The following TTC6 variants were observed in gnomAD, a reference collection of about 807,000 sequenced individuals.
TTC6 encodes tetratricopeptide repeat domain 6.
A neutral mutation model predicts 210.4 loss-of-function variants in TTC6; 172 were observed. The observed-to-expected ratio is 0.82, with a 90% CI of 0.72 to 0.93. TTC6 has a LOEUF of 0.93. TTC6 is among the 40% of genes least tolerant of loss of function. The pLI, the probability that TTC6 is intolerant of heterozygous loss-of-function variation, is 0.00. For synonymous variants in TTC6, 804 were observed against 819.6 expected, an observed-to-expected ratio of 0.98 and a Z score of 0.32; for missense variants, 2,414 against 2,318.1, an observed-to-expected ratio of 1.04 and a Z score of -0.85.
intron 7 of TTC6, among the ~76,000 whole-genome samples, chr14:37,725,514 C>T (rs1869628053): frequency 6.6e-6 from 1 of 150,998 alleles, no homozygotes; most frequent in South Asian, 2.1e-4. Context: ...CCACACCTGG[C>T]TAATTTTGTA....
In TTC6 at chr14:37,728,191, A is replaced by T. The variant is rs189716378; in HGVS notation, c.1818+3189A>T. 2.7e-3 allele frequency among the ~76,000 whole-genome samples: 407 copies of T among 152,180 alleles called. 1 individual carries two copies. The highest frequency in any genetic ancestry group is 9.5e-3 in the African/African-American group (396 of 41,512). On this transcript the variant is annotated intron_variant, in intron 7 of 30. Coordinates refer to ENST00000553443, the Ensembl canonical transcript of TTC6. Reference sequence around the variant, plus strand: ...TAATAATAGACTTTATTATACTGTAATATTGTTACATTTTATGTGGCATAT... The same window carrying T: ...TAATAATAGACTTTATTATACTGTATTATTGTTACATTTTATGTGGCATAT...
intron 1 of TTC6, among the ~76,000 whole-genome samples, chr14:37,596,355 A>G (rs1472567484): frequency 6.6e-6 from 1 of 152,286 alleles, no homozygotes; most frequent in Non-Finnish European, 1.5e-5. Flanking sequence ...GATGCCAGGC[A>G]GAAGCCCGAG....
At chr14:37,629,818 G>T (rs990641151) in intron 1 of TTC6, among the ~76,000 whole-genome samples, 7 of 152,142 alleles carry the variant, frequency 4.6e-5, no homozygotes, top group African/African-American at 1.7e-4. Flanking sequence ...TAGCATGAAG[G>T]ACTGTTGAAT....
chr14:37,733,795 A>G (rs891989193), intron 7 of TTC6, among the ~76,000 whole-genome samples: 17 of 151,300 alleles, frequency 1.1e-4, no homozygotes, highest in Admixed American at 5.9e-4. Context: ...TCTCTATTTC[A>G]TTTTCTGGGA....
intron 7 of TTC6, among the ~76,000 whole-genome samples, chr14:37,734,002 T>G (rs2095894816): frequency 6.6e-6 from 1 of 152,184 alleles, no homozygotes; most frequent in South Asian, 2.1e-4. Flanking sequence ...TTATGGTGTT[T>G]TGTTTCTTTG....
At chr14:37,749,928 C>G in intron 12 of TTC6, 85 bp downstream of exon 14, 1 of 945,758 alleles carries the variant, frequency 1.1e-6, no homozygotes, top group Non-Finnish European at 1.4e-6. Context: ...ATACATAAAT[C>G]AGTAGATATA....
chr14:37,650,257 C>T (rs2095708850), intron 1 of TTC6, among the ~76,000 whole-genome samples: 2 of 152,142 alleles, frequency 1.3e-5, no homozygotes, highest in African/African-American at 4.8e-5. Flanking sequence ...TAGTGATGCC[C>T]CAAGATCTCA....
intron 1 of TTC6, among the ~76,000 whole-genome samples, chr14:37,672,815 T>C: frequency 7.0e-6 from 1 of 143,508 alleles, no homozygotes; most frequent in East Asian, 2.0e-4. Context: ...TTTTCATGAA[T>C]TCCTCATTTT....
At chr14:37,821,905 C>T (rs1269320562) in intron 26 of TTC6, among the ~76,000 whole-genome samples, 1 of 151,252 alleles carries the variant, frequency 6.6e-6, no homozygotes, top group Admixed American at 6.6e-5. Context: ...CTTAGCCTCC[C>T]GAGTAGCTGG....
intron 26 of TTC6, among the ~76,000 whole-genome samples, chr14:37,823,242 C>T (rs922189727): frequency 6.6e-6 from 1 of 152,122 alleles, no homozygotes; most frequent in Non-Finnish European, 1.5e-5. Context: ...CTCCCCTCCT[C>T]TCCTGGTGTC....
intron 1 of TTC6, among the ~76,000 whole-genome samples, chr14:37,634,454 GA>G (rs1053812839): frequency 6.6e-6 from 1 of 151,746 alleles, no homozygotes; most frequent in Non-Finnish European, 1.5e-5. Context: ...TAGACTGAGG[GA>G]AAAAAAATGA....
chr14:37,614,461 G>A (rs1050279226), intron 2 of TTC6, among the ~76,000 whole-genome samples: 40 of 152,006 alleles, frequency 2.6e-4, no homozygotes, highest in African/African-American at 8.2e-4. Context: ...CATAATTTTC[G>A]TACATTATTT....
At chr14:37,754,386 C>T (rs2095961400) in intron 14 of TTC6, among the ~76,000 whole-genome samples, 1 of 151,426 alleles carries the variant, frequency 6.6e-6, no homozygotes, top group Admixed American at 6.6e-5. Flanking sequence ...TGGTTTCCAG[C>T]TTCATCCATG....
exon 5 of TTC6, chr14:37,701,488 C>A: frequency 6.6e-7 from 1 of 1,516,314 alleles, no homozygotes; most frequent in Non-Finnish European, 8.8e-7. Context: ...GAACCTCTTT[C>A]TTAGATGATC....
intron 10 of TTC6, among the ~76,000 whole-genome samples, chr14:37,740,620 G>A (rs1436407858): frequency 1.3e-5 from 2 of 152,240 alleles, no homozygotes; most frequent in Non-Finnish European, 2.9e-5. Context: ...GAGTGGAACA[G>A]AGGCCAACCA....
intron 15 of TTC6, 68 bp from the exon 18 acceptor site, chr14:37,790,649 A>G (rs576385065): frequency 7.7e-7 from 1 of 1,306,972 alleles, no homozygotes; most frequent in Admixed American, 2.1e-5. Context: ...AAGTTTACAG[A>G]CTAAAGTATA....
chr14:37,794,537 G>A lies in TTC6; in HGVS notation c.3709-733G>A, dbSNP rs187300529. Among the ~76,000 whole-genome samples, 668 of 150,808 alleles carry A rather than the reference G, an allele frequency of 4.4e-3. 4 individuals carry two copies. The highest frequency in any genetic ancestry group is 7.6e-3 in the Non-Finnish European group (520 of 67,998). On this transcript the variant is annotated intron_variant, in intron 17 of 30. Coordinates refer to ENST00000553443, the Ensembl canonical transcript of TTC6. ...AAAGTTGTACAAATTCAGTTTCTGC[G>A]ACCAGTATTAAGGGAATAATTAATG...
intron 14 of TTC6, among the ~76,000 whole-genome samples, chr14:37,781,551 A>C (rs958569816): frequency 6.6e-6 from 1 of 152,128 alleles, no homozygotes; most frequent in African/African-American, 2.4e-5. Flanking sequence ...GGTAGATTGC[A>C]AAAATTTTCT....
intron 14 of TTC6, among the ~76,000 whole-genome samples, chr14:37,756,192 A>G (rs977074944): frequency 6.6e-6 from 1 of 152,154 alleles, no homozygotes; most frequent in Non-Finnish European, 1.5e-5. Flanking sequence ...ATTTTTGCAC[A>G]TTGATTTTGT....
Sources: gnomAD v4.1 joint callset for allele counts (sites outside exome capture counted in the v4.1 genomes callset) on GRCh38, gnomAD v4.1.1 for gene constraint, MANE v1.5 for transcripts, NCBI Gene and HGNC (gene_info 2026-07-23, HGNC 2026-07-21) for gene names.